The following OLFML1 variants were observed in gnomAD, a reference collection of about 807,000 sequenced individuals.
OLFML1 encodes olfactomedin like 1.
In OLFML1, 33 loss-of-function variants were observed where a neutral mutation model predicts 37.3. The observed-to-expected ratio is 0.88, with a 90% confidence interval of 0.67 to 1.18. The LOEUF (loss-of-function observed/expected upper bound fraction) is 1.18, where lower values mean the gene tolerates loss of function less well. OLFML1 is among the 50% of genes most tolerant of loss of function. The pLI is 0.00. For synonymous variants in OLFML1, 186 were observed against 181.3 expected, an observed-to-expected ratio of 1.03 and a Z score of -0.21; for missense variants, 545 against 483.7, an observed-to-expected ratio of 1.13 and a Z score of -1.19.
rs148992028 is a variant in OLFML1, at chr11:7,510,237, C to G, written c.*49C>G. On this transcript the variant is annotated 3_prime_UTR_variant, in exon 3 of 3. Coordinates refer to ENST00000329293, the MANE Select transcript of OLFML1 (RefSeq NM_198474.4). ...CACTGTGGCTTTGGCAGCTGTTCTA[C>G]AGGACAGTGAGGCTATAGCCCCTTC... The G allele has an allele frequency of 2.0e-6, 3 of 1,466,436 alleles. No homozygotes were observed. The highest frequency in any genetic ancestry group is 1.4e-5 in the African/African-American group (1 of 71,564). The allele number at this position is 1,466,436 out of a possible 1,614,324, so 90.8% of individuals were successfully genotyped here. A position where few individuals can be genotyped will look rare whatever the true frequency, so the allele number is the denominator to read the frequency against.
At chr11:7,498,125 G>A (rs1158377862) in intron 2 of OLFML1, among the ~76,000 whole-genome samples, 2 of 152,190 alleles carry the variant, frequency 1.3e-5, no homozygotes, top group African/African-American at 4.8e-5. Flanking sequence ...CTGTGTCCCA[G>A]GCACTTAGGA....
chr11:7,496,837 G>A lies in OLFML1; in HGVS notation c.418+8422G>A, dbSNP rs550297075. On this transcript the variant is annotated intron_variant, in intron 2 of 2. Transcript: ENST00000329293. Reference sequence around the variant, plus strand: ...AGATAATTGGTGGAAAGTGGAAACCGATCAGAAATTCCCCAGAGCAGCCTG... The same window carrying A: ...AGATAATTGGTGGAAAGTGGAAACCAATCAGAAATTCCCCAGAGCAGCCTG... Among the ~76,000 whole-genome samples the A allele has an allele frequency of 4.6e-5, 7 of 152,224 alleles. No homozygotes were observed. The East Asian group carries it at 7.7e-4, about 17-fold the overall frequency.
At chr11:7,493,160 T>G (rs1848619738) in intron 2 of OLFML1, among the ~76,000 whole-genome samples, 1 of 152,146 alleles carries the variant, frequency 6.6e-6, no homozygotes, top group Non-Finnish European at 1.5e-5. Context: ...ATTGCAAGGG[T>G]GCACAAAAAG....
chr11:7,485,709 C>T lies in OLFML1; in HGVS notation c.-167C>T, dbSNP rs1471629450. ...ATCACTAGCTGGCAAACTGAGCTCACGTATCGGGTGGAATAACAAGCGGAC... is the reference window on the plus strand; with the variant it reads ...ATCACTAGCTGGCAAACTGAGCTCATGTATCGGGTGGAATAACAAGCGGAC... On this transcript the variant is annotated 5_prime_UTR_variant, in exon 1 of 3. The change creates a new upstream start codon in the 5' untranslated region. Coordinates refer to ENST00000329293, the MANE Select transcript of OLFML1 (RefSeq NM_198474.4). 7.1e-6 allele frequency: 5 copies of T among 701,008 alleles called. No individual in the cohort carries two copies. The highest frequency in any genetic ancestry group is 2.6e-5 in the East Asian group (1 of 39,004). 43.4% of individuals were successfully genotyped at this position (701,008 alleles called of 1,614,324 possible).
intron 2 of OLFML1, chr11:7,488,740 A>C (rs926640166): frequency 6.5e-5 from 12 of 183,440 alleles, no homozygotes; most frequent in African/African-American, 2.8e-4. Flanking sequence ...TTTTTCAGGG[A>C]AAGTAGCAGT....
rs1029060383 is a variant in OLFML1 at position 7,485,816 on chromosome 11, T to G, written c.-60T>G. ...GAGCAGGAGAGCACCACCGGAGCCC[T>G]TGAGACATCCTTGAGAAGAGCCACA... is the stretch of plus-strand genomic sequence containing the variant. On this transcript the variant is annotated 5_prime_UTR_variant, in exon 1 of 3. Transcript: ENST00000329293. The G allele has an allele frequency of 5.0e-5, 79 of 1,577,736 alleles. No homozygotes were observed. The highest frequency in any genetic ancestry group is 6.8e-5 in the Admixed American group (4 of 58,426).
At chr11:7,491,736 C>T (rs1848600626) in intron 2 of OLFML1, among the ~76,000 whole-genome samples, 1 of 152,238 alleles carries the variant, frequency 6.6e-6, no homozygotes, top group East Asian at 1.9e-4. Context: ...CTCAGAGTTT[C>T]TGTGGGTCAG....
intron 2 of OLFML1, among the ~76,000 whole-genome samples, chr11:7,489,709 T>C (rs144711604): frequency 2.8e-4 from 42 of 152,240 alleles, no homozygotes; most frequent in African/African-American, 9.4e-4. Flanking sequence ...CCATTGAGAA[T>C]TGGAATCCAC....
intron 2 of OLFML1, among the ~76,000 whole-genome samples, 184 bp from the exon 3 acceptor site, chr11:7,509,214 C>T (rs553467129): frequency 7.2e-5 from 11 of 152,258 alleles, no homozygotes; most frequent in Non-Finnish European, 1.3e-4. Context: ...GTTGCATTTT[C>T]GCTCTAGGAT....
chr11:7,496,693 A>C (rs1399950697), intron 2 of OLFML1, among the ~76,000 whole-genome samples: 2 of 150,818 alleles, frequency 1.3e-5, no homozygotes, highest in Non-Finnish European at 3.0e-5. Flanking sequence ...TTCAGTTTGG[A>C]ATATTACAGG....
chr11:7,501,898 C>T (rs1013009890), intron 2 of OLFML1, among the ~76,000 whole-genome samples: 5 of 152,120 alleles, frequency 3.3e-5, no homozygotes, highest in Non-Finnish European at 7.4e-5. Context: ...TGGGACACAA[C>T]ACTATCCATG....
chr11:7,496,703 GA>G (rs112519786), intron 2 of OLFML1, among the ~76,000 whole-genome samples: 11,988 of 146,820 alleles, frequency 0.082, 588 homozygotes, highest in Admixed American at 0.16. Flanking sequence ...AATATTACAG[GA>G]AAAAAAAAAC....
In OLFML1 at chr11:7,510,340, C is replaced by T. The variant is rs1381816185; in HGVS notation, c.*152C>T. 4 of 648,134 alleles carry T rather than the reference C, an allele frequency of 6.2e-6. No homozygotes were observed. The highest frequency in any genetic ancestry group is 1.0e-5 in the Non-Finnish European group (4 of 384,018). The allele number at this position is 648,134 out of a possible 1,614,324, so 40.1% of individuals were successfully genotyped here. ...TACGTATGCCTCCTTTCCCAAATGT[C>T]ACTGCCTTAGGTATCTTCCAAGAGC... On this transcript the variant is annotated 3_prime_UTR_variant, in exon 3 of 3. Coordinates refer to ENST00000329293, the MANE Select transcript of OLFML1 (RefSeq NM_198474.4).
intron 2 of OLFML1, among the ~76,000 whole-genome samples, chr11:7,492,828 T>C (rs1361449717): frequency 6.6e-6 from 1 of 152,232 alleles, no homozygotes; most frequent in Non-Finnish European, 1.5e-5. Context: ...ATCTAACTTA[T>C]ATTTTAAAAT....
At chr11:7,496,039 C>A (rs1848659066) in intron 2 of OLFML1, among the ~76,000 whole-genome samples, 1 of 152,208 alleles carries the variant, frequency 6.6e-6, no homozygotes, top group Admixed American at 6.5e-5. Context: ...AATCGTTTAT[C>A]ATTTCTCAGG....
chr11:7,495,306 T>C (rs1848648638), intron 2 of OLFML1, among the ~76,000 whole-genome samples: 1 of 152,100 alleles, frequency 6.6e-6, no homozygotes, highest in Non-Finnish European at 1.5e-5. Context: ...TCCCCTTCCA[T>C]GGCAACTGAA....
chr11:7,488,387 G>A lies in OLFML1; in HGVS notation c.390G>A (p.Glu130=), dbSNP rs763080290. 1.9e-6 allele frequency: 3 copies of A among 1,613,692 alleles called. No individual in the cohort carries two copies. The highest frequency in any genetic ancestry group is 2.5e-6 in the Non-Finnish European group (3 of 1,179,858). ...AEMLLQEAEE[E]KKIRTLLNAS... is the part of the protein sequence containing the mutation. ...TGTTGCTCCAAGAAGCTGAAGAAGA[G>A]AAAAAGATCCGGACTCTGCTGAATG... Residue 130 remains glutamate (E), a synonymous_variant, in exon 2 of 3, where the codon GAG becomes GAA. Transcript: ENST00000329293.
At chr11:7,507,288 C>G (rs1372264992) in intron 2 of OLFML1, among the ~76,000 whole-genome samples, 1 of 149,634 alleles carries the variant, frequency 6.7e-6, no homozygotes, top group Non-Finnish European at 1.5e-5. Context: ...AAATATTCTA[C>G]TAATTGATTT....
Position 7,509,880 on chromosome 11 carries a change from A to C in OLFML1, c.901A>C (p.Thr301Pro). Reference sequence around the variant, plus strand: ...GGTTCTCACAAAGATTGAGCCGGGCACACTGGGAGTGGAGCATTCATGGGA... The same window carrying C: ...GGTTCTCACAAAGATTGAGCCGGGCCCACTGGGAGTGGAGCATTCATGGGA... ...HLVLTKIEPG[T>P]LGVEHSWDTP... The change falls in exon 3 of 3, where the codon ACA becomes CCA. Residue 301 changes from threonine (T) to proline (P), a missense_variant. Thr to Pro is a conservative substitution (Grantham distance 38). Transcript: ENST00000329293. 7.4e-6 allele frequency: 12 copies of C among 1,614,242 alleles called. No homozygotes were observed. Among genetic ancestry groups the C allele is most frequent in the Non-Finnish European group, 1.0e-5 (12 of 1,180,048 alleles).
Sources: gnomAD v4.1 joint callset for allele counts (sites outside exome capture counted in the v4.1 genomes callset) on GRCh38, gnomAD v4.1.1 for gene constraint, MANE v1.5 for transcripts, NCBI Gene and HGNC (gene_info 2026-07-23, HGNC 2026-07-21) for gene names.